The following COL14A1 variants were observed in gnomAD, a reference collection of about 807,000 sequenced individuals.
COL14A1 encodes the protein collagen type XIV alpha 1 chain, also known as collagen alpha-1(XIV) chain.
In COL14A1, 136 loss-of-function variants were observed where a neutral mutation model predicts 230.3. The ratio of observed to expected loss-of-function variants is 0.59; its 90% CI spans 0.51 to 0.68. The LOEUF is 0.68. Ranked by LOEUF, COL14A1 falls within the 30% of genes least tolerant of loss-of-function variation. The pLI, the probability that COL14A1 is intolerant of heterozygous loss-of-function variation, is 0.00. For missense variants in COL14A1, 1,976 were observed against 2,215.8 expected, an observed-to-expected ratio of 0.89 and a Z score of 2.17; for synonymous variants, 792 against 784.1, an observed-to-expected ratio of 1.01 and a Z score of -0.17.
chr8:120,344,297 C>T (rs137881096), intron 44 of COL14A1, among the ~76,000 whole-genome samples: 254 of 152,322 alleles, frequency 1.7e-3, no homozygotes, highest in African/African-American at 5.7e-3. Flanking sequence ...CCTTCAGCTG[C>T]CACTCAGAAC....
intron 46 of COL14A1, among the ~76,000 whole-genome samples, chr8:120,368,999 C>T (rs1260076216): frequency 6.6e-6 from 1 of 152,084 alleles, no homozygotes; most frequent in Non-Finnish European, 1.5e-5. Context: ...TAAGGAACTG[C>T]ATTGGGAAAC....
intron 5 of COL14A1, among the ~76,000 whole-genome samples, chr8:120,195,383 C>T (rs1816999556): frequency 6.6e-6 from 1 of 152,000 alleles, no homozygotes; most frequent in African/African-American, 2.4e-5. Context: ...AGCCCCAAAC[C>T]CCTCTGCCCG....
upstream of COL14A1, among the ~76,000 whole-genome samples, chr8:120,124,774 G>A (rs950822651): frequency 1.3e-5 from 2 of 152,192 alleles, no homozygotes; most frequent in Non-Finnish European, 2.9e-5. Context: ...GAGAACAGGA[G>A]GGCTCGAGAC....
intron 1 of COL14A1, among the ~76,000 whole-genome samples, chr8:120,139,909 T>G (rs987248911): frequency 6.6e-6 from 1 of 152,040 alleles, no homozygotes; most frequent in Non-Finnish European, 1.5e-5. Context: ...GGGACTGTAG[T>G]CCCAGCTACT....
intron 45 of COL14A1, among the ~76,000 whole-genome samples, chr8:120,354,780 C>G (rs1822918309): frequency 6.6e-6 from 1 of 152,158 alleles, no homozygotes; most frequent in East Asian, 1.9e-4. Flanking sequence ...CTTGAAATCC[C>G]ACTTAGATTT....
intron 42 of COL14A1, among the ~76,000 whole-genome samples, chr8:120,338,830 C>T (rs982244666): frequency 5.3e-5 from 8 of 152,078 alleles, no homozygotes; most frequent in African/African-American, 1.4e-4. Flanking sequence ...AAACTGTTTC[C>T]GTTAAGGATT....
rs758763789 is a variant in COL14A1 at position 120,208,344 on chromosome 8, G to C, written c.1304G>C (p.Arg435Pro). ...IYAHTASEGL[R>P]GTETTLALPM... ...GCCCACACTGCTAGTGAAGGCCTACGGGGAACTGAAACTACACGTATGTAT... is the reference window on the plus strand; with the variant it reads ...GCCCACACTGCTAGTGAAGGCCTACCGGGAACTGAAACTACACGTATGTAT... Residue 435 changes from arginine (R) to proline (P), a missense_variant, in exon 11 of 48, where the codon CGG becomes CCG. Physicochemically the swap from Arg to Pro is moderately radical, Grantham distance 103 (BLOSUM62 -2). This residue lies in a region of COL14A1 where 1,791 missense variants were observed against 2,019.5 expected (regional missense o/e 0.89). Transcript: ENST00000297848. The C allele has an allele frequency of 1.2e-6, 2 of 1,612,966 alleles. No homozygotes were observed. Among genetic ancestry groups the C allele is most frequent in the Middle Eastern group, 1.7e-4 (1 of 6,054 alleles).
chr8:120,262,630 T>G (rs548787958), intron 23 of COL14A1, among the ~76,000 whole-genome samples: 85 of 152,170 alleles, frequency 5.6e-4, no homozygotes, highest in Non-Finnish European at 1.0e-3. Flanking sequence ...ATTTCAGAAG[T>G]CTTTTAATAG....
At chr8:120,189,373 GAAAAATCAT>G (rs773855653) in intron 5 of COL14A1, among the ~76,000 whole-genome samples, 5 of 151,952 alleles carry the variant, frequency 3.3e-5, no homozygotes, top group Non-Finnish European at 7.4e-5. Flanking sequence ...TAGTCTTCAA[GAAAAATCAT>G]ACTTTGCAGT....
chr8:120,328,633 A>G (rs1376090613), intron 40 of COL14A1, among the ~76,000 whole-genome samples: 1 of 152,164 alleles, frequency 6.6e-6, no homozygotes, highest in Non-Finnish European at 1.5e-5. Flanking sequence ...TGATATGCAC[A>G]TGATGTCCAT....
chr8:120,281,779 C>A (rs926200622), intron 31 of COL14A1, among the ~76,000 whole-genome samples: 1 of 152,096 alleles, frequency 6.6e-6, no homozygotes, highest in Non-Finnish European at 1.5e-5. Flanking sequence ...GAATTTATAT[C>A]CAGCTATCAA....
chr8:120,346,501 A>G (rs890154065), intron 45 of COL14A1, among the ~76,000 whole-genome samples: 3 of 152,218 alleles, frequency 2.0e-5, no homozygotes, highest in African/African-American at 7.2e-5. Flanking sequence ...TGGGTAGGAT[A>G]TATTCCTTTT....
chr8:120,351,026 C>T (rs1368076790), intron 45 of COL14A1, among the ~76,000 whole-genome samples: 3 of 149,348 alleles, frequency 2.0e-5, no homozygotes, highest in East Asian at 2.0e-4. Flanking sequence ...ACAGAAATTA[C>T]AACAAACTAT....
chr8:120,286,770 A>G (rs1422107545), intron 33 of COL14A1, among the ~76,000 whole-genome samples: 2 of 152,136 alleles, frequency 1.3e-5, no homozygotes, highest in African/African-American at 4.8e-5. Flanking sequence ...TGGCATCCCA[A>G]AGTGCTGGGA....
At chr8:120,359,954 C>G (rs556510449) in intron 45 of COL14A1, among the ~76,000 whole-genome samples, 2 of 152,140 alleles carry the variant, frequency 1.3e-5, no homozygotes, top group Non-Finnish European at 2.9e-5. Flanking sequence ...TCCTCCCTCT[C>G]GCTGCCCAAA....
In COL14A1 at chr8:120,371,908, C is replaced by T. The variant is rs1812170436; in HGVS notation, c.*677C>T. On this transcript the variant is annotated 3_prime_UTR_variant, in exon 48 of 48. Transcript: ENST00000297848. ...TGCAAAGAGATATAATTTTAATGAA[C>T]GATTTATCCAGCAGTGTGTTCCAGG... 1 of 341,128 alleles carries T rather than the reference C, an allele frequency of 2.9e-6. No individual in the cohort carries two copies. Among genetic ancestry groups the T allele is most frequent in the African/African-American group, 2.1e-5 (1 of 47,858 alleles). The allele number at this position is 341,128 out of a possible 1,614,324, so 21.1% of individuals were successfully genotyped here.
At chr8:120,200,743 A>ATG (rs1365410791) in intron 8 of COL14A1, among the ~76,000 whole-genome samples, 2 of 71,854 alleles carry the variant, frequency 2.8e-5, no homozygotes, top group Non-Finnish European at 5.7e-5. Flanking sequence ...ATATATATAT[A>ATG]TATATATATA....
intron 35 of COL14A1, 56 bp from the exon 36 acceptor site, chr8:120,300,676 A>G: frequency 7.6e-7 from 1 of 1,310,960 alleles, no homozygotes; most frequent in East Asian, 2.3e-5. Context: ...TGAGCCAGTA[A>G]AGCCATTTGT....
chr8:120,147,167 A>T lies in COL14A1; in HGVS notation c.-37-639A>T, dbSNP rs931397255. Among the ~76,000 whole-genome samples the T allele has an allele frequency of 9.9e-5, 15 of 151,648 alleles. 1 individual carries two copies. The South Asian group carries it at 2.9e-3, about 30-fold the overall frequency. Reference sequence around the variant, plus strand: ...TTCTTCATTTTCTTGTCTTCCATTTATCGTCCTTTCTTTCTTTTGCTTGTA... The same window carrying T: ...TTCTTCATTTTCTTGTCTTCCATTTTTCGTCCTTTCTTTCTTTTGCTTGTA... On this transcript the variant is annotated intron_variant, in intron 1 of 47. Transcript: ENST00000297848.
Sources: allele counts gnomAD v4.1 joint callset (sites outside exome capture counted in the v4.1 genomes callset), GRCh38; gene constraint gnomAD v4.1.1; regional missense constraint gnomAD v4.1.1; transcripts MANE v1.5; gene names NCBI Gene and HGNC (gene_info 2026-07-23, HGNC 2026-07-21).